Variants in NEDD4 observed in about 807,000 individuals in gnomAD.
NEDD4 encodes NEDD4 E3 ubiquitin protein ligase.
A neutral mutation model predicts 144.9 loss-of-function variants in NEDD4; 99 were observed. The ratio of observed to expected loss-of-function variants is 0.68; its 90% CI spans 0.58 to 0.81. The LOEUF (loss-of-function observed/expected upper bound fraction) is 0.81, where lower values mean the gene tolerates loss of function less well. Ranked by LOEUF, NEDD4 falls within the 30% of genes least tolerant of loss-of-function variation. The pLI is 0.00. For synonymous variants in NEDD4, 318 were observed against 350.6 expected (o/e 0.91, Z 1.04); for missense variants, 985 against 1,065.9 (o/e 0.92, Z 1.06).
intron 4 of NEDD4, among the ~76,000 whole-genome samples, chr15:55,949,075 C>T (rs1272722194): frequency 1.3e-5 from 2 of 152,068 alleles, no homozygotes; most frequent in African/African-American, 2.4e-5. Flanking sequence ...GGCTAATATC[C>T]AGAATCTACA....
At chr15:55,984,285 G>A (rs1276221108) in intron 1 of NEDD4, among the ~76,000 whole-genome samples, 2 of 152,174 alleles carry the variant, frequency 1.3e-5, no homozygotes, top group African/African-American at 4.8e-5. Flanking sequence ...GCAGGAAAGT[G>A]GAAGGACCAA....
intron 4 of NEDD4, among the ~76,000 whole-genome samples, chr15:55,930,588 T>A (rs2036760192): frequency 6.6e-6 from 1 of 152,176 alleles, no homozygotes; most frequent in South Asian, 2.1e-4. Flanking sequence ...GAAACAGTAT[T>A]CATTAGACTG....
At chr15:55,902,156 T>C (rs775432088) in intron 5 of NEDD4, among the ~76,000 whole-genome samples, 1 of 152,166 alleles carries the variant, frequency 6.6e-6, no homozygotes, top group African/African-American at 2.4e-5. Flanking sequence ...CTCAATTATA[T>C]TGGTAACCCA....
At chr15:55,961,855 A>C (rs2037432197) in intron 2 of NEDD4, among the ~76,000 whole-genome samples, 1 of 152,232 alleles carries the variant, frequency 6.6e-6, no homozygotes, top group Non-Finnish European at 1.5e-5. Flanking sequence ...ACACTTGAAA[A>C]GAATGTACAT....
At chr15:55,883,696 A>AACACACACACAC (rs3049242) in intron 5 of NEDD4, among the ~76,000 whole-genome samples, 3 of 112,126 alleles carry the variant, frequency 2.7e-5, no homozygotes, top group African/African-American at 9.7e-5. Context: ...CACACACACA[A>AACACACACACAC]ACACACACAC....
intron 18 of NEDD4, 51 bp from the exon 19 acceptor site, chr15:55,842,214 C>G (rs532190518): frequency 8.3e-6 from 12 of 1,447,550 alleles, no homozygotes; most frequent in African/African-American, 1.4e-5. Flanking sequence ...AACATAATAA[C>G]AAACCCATCT....
intron 9 of NEDD4, 115 bp from the exon 10 acceptor site, chr15:55,860,893 G>GA: frequency 1.2e-6 from 1 of 860,670 alleles, no homozygotes; most frequent in Non-Finnish European, 1.8e-6. Flanking sequence ...AAAATTTATT[G>GA]TCTTTGACCA....
At chr15:55,865,831 G>C (rs2142047176) in intron 8 of NEDD4, among the ~76,000 whole-genome samples, 1 of 152,298 alleles carries the variant, frequency 6.6e-6, no homozygotes, top group African/African-American at 2.4e-5. Flanking sequence ...CTGCAGCAAG[G>C]CTGATCTAGT....
rs758843604 is a variant in NEDD4, at chr15:55,856,236, T to C, written c.961-40A>G. 11 of 1,578,218 alleles carry C rather than the reference T, an allele frequency of 7.0e-6. No individual in the cohort carries two copies. The East Asian group carries it at 2.2e-4, about 32-fold the overall frequency. Reference sequence around the variant, plus strand: ...AGACAACAGAAGAATACCTTGATATTTGTGATTTGCCTTTGAGTGACAGCT... The same window carrying C: ...AGACAACAGAAGAATACCTTGATATCTGTGATTTGCCTTTGAGTGACAGCT... On this transcript the variant is annotated intron_variant, in intron 11 of 28. Transcript: ENST00000435532.
At chr15:55,885,746 C>A (rs1320661990) in intron 5 of NEDD4, among the ~76,000 whole-genome samples, 1 of 151,748 alleles carries the variant, frequency 6.6e-6, no homozygotes, top group Non-Finnish European at 1.5e-5. Flanking sequence ...GATAAAATCA[C>A]CTTCACTAAA....
chr15:55,901,023 G>A (rs1438825457), intron 5 of NEDD4, among the ~76,000 whole-genome samples: 1 of 152,008 alleles, frequency 6.6e-6, no homozygotes, highest in Non-Finnish European at 1.5e-5. Flanking sequence ...TAAATAAAAA[G>A]AATGCTATTA....
chr15:55,932,913 T>C (rs558141748), intron 4 of NEDD4, among the ~76,000 whole-genome samples: 8 of 152,154 alleles, frequency 5.3e-5, no homozygotes, highest in Admixed American at 4.6e-4. Context: ...AAAAGACACA[T>C]GAAAAAATGC....
intron 27 of NEDD4, among the ~76,000 whole-genome samples, chr15:55,832,755 G>A (rs144159953): frequency 9.2e-5 from 14 of 152,192 alleles, no homozygotes; most frequent in Admixed American, 2.6e-4. Context: ...ACTGGGCATA[G>A]AATTTGAAGT....
At chr15:55,870,119 T>C (rs1460091563) in intron 7 of NEDD4, among the ~76,000 whole-genome samples, 1 of 152,168 alleles carries the variant, frequency 6.6e-6, no homozygotes, top group Non-Finnish European at 1.5e-5. Flanking sequence ...GGCTAGATTA[T>C]AGGACATGTA....
rs369468383 is a variant in NEDD4, at chr15:55,916,474, C to A, written c.291+8172G>T. The A allele has an allele frequency of 5.0e-6, 8 of 1,613,944 alleles. No individual in the cohort carries two copies. The African/African-American group carries it at 8.0e-5, about 16-fold the overall frequency. On this transcript the variant is annotated intron_variant, in intron 5 of 28. Transcript: ENST00000435532. The stretch of plus-strand genomic sequence containing the variant: ...ACCACAGCACTACTGTAAATACCAT[C>A]CTTCAAGATACAAGTAAACGAAGCA...
chr15:55,868,791 C>T (rs2034674296), intron 8 of NEDD4, among the ~76,000 whole-genome samples: 1 of 152,150 alleles, frequency 6.6e-6, no homozygotes, highest in Non-Finnish European at 1.5e-5. Context: ...TCAAAGGGAA[C>T]CTCAACGAGC....
chr15:55,992,775 C>G (rs1332307182), intron 1 of NEDD4, among the ~76,000 whole-genome samples: 1 of 152,226 alleles, frequency 6.6e-6, no homozygotes, highest in African/African-American at 2.4e-5. Context: ...AAAGAAACAG[C>G]TTTGCCTTCT....
chr15:55,960,190 T>C (rs749212387), intron 2 of NEDD4, among the ~76,000 whole-genome samples: 19 of 152,180 alleles, frequency 1.2e-4, no homozygotes, highest in Admixed American at 3.3e-4. Flanking sequence ...TAATATTGAG[T>C]GTCAACTTCA....
intron 2 of NEDD4, among the ~76,000 whole-genome samples, chr15:55,952,474 T>G (rs1479880900): frequency 6.6e-6 from 1 of 152,284 alleles, no homozygotes; most frequent in East Asian, 1.9e-4. Flanking sequence ...TTGTTAAATT[T>G]CTCCTGTTTT....
Sources: gnomAD v4.1 joint callset for allele counts (sites outside exome capture counted in the v4.1 genomes callset) on GRCh38, gnomAD v4.1.1 for gene constraint, MANE v1.5 for transcripts, NCBI Gene and HGNC (gene_info 2026-07-23, HGNC 2026-07-21) for gene names.